HTR2C: variants seen among roughly 807,000 people sequenced by gnomAD.
HTR2C encodes 5-hydroxytryptamine receptor 2C.
A neutral mutation model predicts 21.0 loss-of-function variants in HTR2C; 5 were observed. That is an observed-to-expected ratio of 0.24 (90% CI 0.12 to 0.50). The LOEUF is 0.50. Ranked by LOEUF, HTR2C falls within the 20% of genes least tolerant of loss-of-function variation. The pLI is 0.98. For missense variants in HTR2C, 271 were observed against 371.2 expected (o/e 0.73, Z 2.22); for synonymous variants, 150 against 145.3 (o/e 1.03, Z -0.23).
chrX:114,741,545 A>AAAAAT (rs2069647907), intron 4 of HTR2C, among the ~76,000 whole-genome samples: 2 of 89,441 alleles, frequency 2.2e-5, no homozygotes, highest in Middle Eastern at 5.4e-3. Context: ...AAAAAAAAAA[A>AAAAAT]AAAATATGAG....
chrX:114,743,471 C>T (rs2069671896), intron 4 of HTR2C, among the ~76,000 whole-genome samples: 1 of 111,551 alleles, frequency 9.0e-6, no homozygotes, highest in Non-Finnish European at 1.9e-5. Flanking sequence ...AATACAATAT[C>T]TAAATTTAAA....
intron 5 of HTR2C, among the ~76,000 whole-genome samples, chrX:114,895,878 C>T (rs181546585): frequency 7.3e-4 from 80 of 109,461 alleles, no homozygotes; most frequent in African/African-American, 2.5e-3. Flanking sequence ...ATCCCAGCAA[C>T]TTGGGATGCC....
chrX:114,625,410 AG>A (rs1414764614), intron 2 of HTR2C, among the ~76,000 whole-genome samples: 4 of 111,252 alleles, frequency 3.6e-5, no homozygotes, highest in Non-Finnish European at 7.5e-5. Flanking sequence ...GTAATGAGTG[AG>A]CTCTTGCTCT....
At chrX:114,805,942 TATATATATACACCATATATATACC>T (rs1556449098) in intron 4 of HTR2C, among the ~76,000 whole-genome samples, 1 of 85,906 alleles carries the variant, frequency 1.2e-5, no homozygotes. Flanking sequence ...ATATATACCA[TATATATATACACCATATATATACC>T]ATATATATAC....
intron 4 of HTR2C, among the ~76,000 whole-genome samples, chrX:114,741,542 A>AAAAAAAAAAAAAAAAAAAAAC (rs2069647659): frequency 2.3e-5 from 2 of 88,831 alleles, no homozygotes; most frequent in Non-Finnish European, 2.2e-5. Context: ...AAAAAAAAAA[A>AAAAAAAAAAAAAAAAAAAAAC]AAAAAAATAT....
At chrX:114,673,153 C>A (rs1198150947) in intron 2 of HTR2C, among the ~76,000 whole-genome samples, 1 of 112,040 alleles carries the variant, frequency 8.9e-6, no homozygotes, top group Non-Finnish European at 1.9e-5. Flanking sequence ...TGGCCGAAAG[C>A]AGTAATACAC....
intron 5 of HTR2C, among the ~76,000 whole-genome samples, chrX:114,865,433 A>G (rs1216201289): frequency 8.9e-6 from 1 of 111,857 alleles, no homozygotes; most frequent in African/African-American, 3.3e-5. Context: ...ATAGGTGTAC[A>G]TTTAGCTTTT....
intron 4 of HTR2C, among the ~76,000 whole-genome samples, chrX:114,796,369 T>C (rs782208606): frequency 1.4e-4 from 16 of 111,775 alleles, no homozygotes; most frequent in Non-Finnish European, 2.1e-4. Flanking sequence ...GTATAATCTC[T>C]GTAGCACATA....
At chrX:114,824,932 A>G (rs1382105106) in intron 4 of HTR2C, among the ~76,000 whole-genome samples, 2 of 111,929 alleles carry the variant, frequency 1.8e-5, no homozygotes, top group Admixed American at 1.9e-4. Context: ...GTTATGTATA[A>G]TACCCATGTA....
chrX:114,617,184 A>G (rs139800687), intron 2 of HTR2C, among the ~76,000 whole-genome samples: 1,619 of 112,371 alleles, frequency 0.014, 21 homozygotes, highest in African/African-American at 0.049. Flanking sequence ...CATGCCTGTA[A>G]TCCCAGCAGT....
chrX:114,879,276 CTG>C (rs2071162310), intron 5 of HTR2C, among the ~76,000 whole-genome samples: 2 of 100,093 alleles, frequency 2.0e-5, no homozygotes, highest in African/African-American at 3.5e-5. Context: ...TAAATGTTGT[CTG>C]AAATTAATAT....
chrX:114,703,745 C>A (rs1468969126), intron 2 of HTR2C, among the ~76,000 whole-genome samples: 6 of 110,691 alleles, frequency 5.4e-5, no homozygotes, highest in African/African-American at 2.0e-4. Flanking sequence ...ACACAAAAAA[C>A]CCTTCAAAAA....
chrX:114,694,483 A>T (rs1932209516), intron 2 of HTR2C, among the ~76,000 whole-genome samples: 1 of 8,741 alleles, frequency 1.1e-4, no homozygotes, highest in African/African-American at 2.8e-4. Context: ...ATATATATAT[A>T]TATATATATA....
chrX:114,611,135 A>G (rs782231735), intron 1 of HTR2C, among the ~76,000 whole-genome samples: 1 of 112,132 alleles, frequency 8.9e-6, no homozygotes, highest in Admixed American at 9.5e-5. Context: ...AAACGCAAAA[A>G]TAAATTCTTC....
chrX:114,734,156 G>A (rs372330018), intron 4 of HTR2C, among the ~76,000 whole-genome samples: 3 of 110,817 alleles, frequency 2.7e-5, no homozygotes, highest in South Asian at 3.8e-4. Flanking sequence ...AGCACCCAAC[G>A]AAGAATTGAT....
chrX:114,836,541 G>T (rs1158398165), intron 4 of HTR2C, among the ~76,000 whole-genome samples: 1 of 112,252 alleles, frequency 8.9e-6, no homozygotes, highest in East Asian at 2.8e-4. Flanking sequence ...CCCAAGTGAG[G>T]CAATGCCTCG....
At chrX:114,747,623 C>T (rs1199545316) in intron 4 of HTR2C, among the ~76,000 whole-genome samples, 1 of 112,302 alleles carries the variant, frequency 8.9e-6, no homozygotes, top group Non-Finnish European at 1.9e-5. Context: ...TCTGAGATTA[C>T]GTTATAAAAG....
intron 2 of HTR2C, among the ~76,000 whole-genome samples, chrX:114,674,657 A>T (rs1164793879): frequency 2.7e-5 from 3 of 111,853 alleles, no homozygotes; most frequent in Non-Finnish European, 3.8e-5. Context: ...TTTATATTGC[A>T]TAGTGTCTTA....
At chrX:114,734,020 G>C (rs2069563140) in intron 4 of HTR2C, among the ~76,000 whole-genome samples, 2 of 111,526 alleles carry the variant, frequency 1.8e-5, no homozygotes. Context: ...AATGTACTTT[G>C]AAGTAGTAAT....
Sources: allele counts gnomAD v4.1 joint callset (sites outside exome capture counted in the v4.1 genomes callset), GRCh38; gene constraint gnomAD v4.1.1; transcripts MANE v1.5; gene names NCBI Gene and HGNC (gene_info 2026-07-23, HGNC 2026-07-21).